The following ARSG variants were observed in gnomAD, a reference collection of about 807,000 sequenced individuals.
ARSG encodes ASG.
In ARSG, 37 loss-of-function variants were observed where a neutral mutation model predicts 50.5. The ratio of observed to expected loss-of-function variants is 0.73; its 90% CI spans 0.56 to 0.96. The LOEUF (loss-of-function observed/expected upper bound fraction) is 0.96. ARSG is among the 50% of genes least tolerant of loss of function. The pLI is 0.00. For missense variants in ARSG, 629 were observed against 675.3 expected (o/e 0.93, Z 0.76); for synonymous variants, 225 against 254.6 (o/e 0.88, Z 1.11).
At position 68,354,602 on chromosome 17, in the gene ARSG, T is replaced by C. The variant is rs142445977; in HGVS notation, c.567-2065T>C. Among the ~76,000 whole-genome samples the C allele has an allele frequency of 1.1e-4, 16 of 151,262 alleles. No homozygotes were observed. In the East Asian group the frequency reaches 3.2e-3, roughly 30 times the overall value. ...CCCAGCATGGTGATAATTCTTTTTC[T>C]CTTTTAAAAAATTTGGGATGCCTGT... On this transcript the variant is annotated intron_variant, in intron 5 of 11. Coordinates refer to ENST00000621439, the MANE Select transcript of ARSG (RefSeq NM_001267727.2).
At chr17:68,352,560 A>G (rs939751739) in intron 5 of ARSG, among the ~76,000 whole-genome samples, 2 of 148,910 alleles carry the variant, frequency 1.3e-5, no homozygotes, top group African/African-American at 4.9e-5. Flanking sequence ...CCCAGGCTAG[A>G]GCGCAGTGGC....
intron 1 of ARSG, among the ~76,000 whole-genome samples, chr17:68,302,250 C>G (rs2076447873): frequency 1.3e-5 from 2 of 152,176 alleles, no homozygotes; most frequent in African/African-American, 4.8e-5. Flanking sequence ...ATGTTCTGAT[C>G]TGGGGAGTAA....
intron 11 of ARSG, among the ~76,000 whole-genome samples, chr17:68,407,595 TAA>T (rs2081786934): frequency 6.6e-6 from 1 of 151,510 alleles, no homozygotes; most frequent in African/African-American, 2.4e-5. Context: ...GGTATATTCC[TAA>T]GTTTTTTTTT....
chr17:68,358,829 CG>C (rs1401769207), intron 6 of ARSG, among the ~76,000 whole-genome samples: 1 of 151,802 alleles, frequency 6.6e-6, no homozygotes, highest in East Asian at 1.9e-4. Flanking sequence ...ATGGTGCCAC[CG>C]TACTCCAGCC....
chr17:68,335,505 G>A (rs2077975108), intron 2 of ARSG, among the ~76,000 whole-genome samples: 1 of 147,382 alleles, frequency 6.8e-6, no homozygotes, highest in African/African-American at 2.5e-5. Flanking sequence ...AGTGAGCCGA[G>A]ATCATGCCAC....
Position 68,420,300 on chromosome 17 carries a change from G to A in ARSG, c.1415G>A (p.Gly472Asp), listed in dbSNP as rs1388905008. ...TAEAVPLERG[G>D]AEYQAVLPEV... ...GAAGCTGTGCCCCTAGAAAGAGGTG[G>A]TGCGGAGTACCAGGCTGTGCTGCCC... The change falls in exon 12 of 12, where the codon GGT (glycine) becomes GAT (aspartate). Residue 472 changes from glycine to aspartate, a missense_variant. Physicochemically the swap from Gly to Asp is moderately conservative, Grantham distance 94. Coordinates refer to ENST00000621439, the MANE Select transcript of ARSG (RefSeq NM_001267727.2). 2 of 1,613,992 alleles carry A rather than the reference G, an allele frequency of 1.2e-6. No individual in the cohort carries two copies. The highest frequency in any genetic ancestry group is 1.7e-6 in the Non-Finnish European group (2 of 1,180,032).
intron 5 of ARSG, among the ~76,000 whole-genome samples, chr17:68,353,026 T>A (rs965203705): frequency 2.0e-5 from 3 of 152,150 alleles, no homozygotes; most frequent in African/African-American, 7.2e-5. Context: ...TCAGCTCGTC[T>A]ATCTATAAAA....
At chr17:68,301,359 C>G (rs1444678733) in intron 1 of ARSG, among the ~76,000 whole-genome samples, 1 of 152,176 alleles carries the variant, frequency 6.6e-6, no homozygotes, top group East Asian at 1.9e-4. Flanking sequence ...AACCCTTTGT[C>G]CTGGCTATCG....
intron 1 of ARSG, chr17:68,278,139 C>CT: frequency 6.2e-7 from 1 of 1,614,140 alleles, no homozygotes; most frequent in Non-Finnish European, 8.5e-7. Flanking sequence ...TGAGATCCTG[C>CT]TATTGGATTC....
downstream of ARSG, chr17:68,427,276 G>C (rs758141530): frequency 1.3e-6 from 2 of 1,579,502 alleles, no homozygotes; most frequent in South Asian, 1.1e-5. Flanking sequence ...ATCAAGAGGA[G>C]GTGAAAGAAA....
intron 6 of ARSG, among the ~76,000 whole-genome samples, chr17:68,361,547 A>G (rs1283011282): frequency 1.3e-5 from 2 of 151,986 alleles, no homozygotes; most frequent in Admixed American, 6.6e-5. Context: ...GACCACCCCC[A>G]TCTCTACAAA....
intron 2 of ARSG, among the ~76,000 whole-genome samples, chr17:68,310,229 GGATTACAAGC>G (rs1441276178): frequency 6.6e-6 from 1 of 152,048 alleles, no homozygotes; most frequent in Non-Finnish European, 1.5e-5. Flanking sequence ...CAAAATGCTG[GGATTACAAGC>G]GTGAGCCACC....
At chr17:68,330,764 C>A (rs1175884825) in intron 2 of ARSG, among the ~76,000 whole-genome samples, 1 of 152,032 alleles carries the variant, frequency 6.6e-6, no homozygotes, top group Non-Finnish European at 1.5e-5. Context: ...GCCTGGGAAG[C>A]CCATTGGGCT....
At position 68,370,456 on chromosome 17, in the gene ARSG, C is replaced by T. The variant is rs1330340623; in HGVS notation, c.914C>T (p.Pro305Leu). The T allele has an allele frequency of 5.0e-6, 8 of 1,613,876 alleles. No homozygotes were observed. Among genetic ancestry groups the T allele is most frequent in the Admixed American group, 1.7e-5 (1 of 59,960 alleles). Residue 305 changes from proline to leucine, a missense_variant, in exon 8 of 12, where the codon CCG becomes CTG. Physicochemically the swap from Pro to Leu is moderately conservative, Grantham distance 98. Transcript: ENST00000621439. ...TFLWFTGDNG[P>L]WAQKCELAGS... Reference sequence around the variant, plus strand: ...TTCTGGTTTCTAGGAGACAATGGCCCGTGGGCTCAGAAGTGTGAGCTAGCG... The same window carrying T: ...TTCTGGTTTCTAGGAGACAATGGCCTGTGGGCTCAGAAGTGTGAGCTAGCG...
intron 1 of ARSG, among the ~76,000 whole-genome samples, chr17:68,283,478 G>C (rs1208300449): frequency 6.7e-6 from 1 of 148,560 alleles, no homozygotes; most frequent in South Asian, 2.1e-4. Flanking sequence ...CCGAGATCGC[G>C]CCACTGCACT....
intron 4 of ARSG, among the ~76,000 whole-genome samples, chr17:68,348,522 A>G (rs1205546598): frequency 6.6e-6 from 1 of 152,142 alleles, no homozygotes; most frequent in East Asian, 1.9e-4. Context: ...CTTATGTCCA[A>G]GTTCACTCCT....
chr17:68,376,019 G>A (rs1251493886), intron 8 of ARSG, among the ~76,000 whole-genome samples: 3 of 152,050 alleles, frequency 2.0e-5, no homozygotes, highest in Non-Finnish European at 4.4e-5. Context: ...GTAGCACTTA[G>A]CACCTTCCCA....
chr17:68,312,037 T>C (rs1185036624), intron 2 of ARSG, among the ~76,000 whole-genome samples: 1 of 152,120 alleles, frequency 6.6e-6, no homozygotes, highest in Non-Finnish European at 1.5e-5. Flanking sequence ...TGACCTCAAG[T>C]GATCCACTCG....
At chr17:68,370,788 C>T (rs145738653) in intron 8 of ARSG, among the ~76,000 whole-genome samples, 135 of 152,294 alleles carry the variant, frequency 8.9e-4, no homozygotes, top group African/African-American at 2.9e-3. Flanking sequence ...CTCCACCCAA[C>T]GAGCCAGTCT....
Sources: allele counts gnomAD v4.1 joint callset (sites outside exome capture counted in the v4.1 genomes callset), GRCh38; gene constraint gnomAD v4.1.1; transcripts MANE v1.5; gene names NCBI Gene and HGNC (gene_info 2026-07-23, HGNC 2026-07-21).